The following MMP24 variants were observed in gnomAD, a reference collection of about 807,000 sequenced individuals.
MMP24 encodes the protein matrix metalloproteinase-24.
A neutral mutation model predicts 62.8 loss-of-function variants in MMP24; 25 were observed. The observed-to-expected ratio is 0.40, with a 90% CI of 0.29 to 0.56. MMP24 has a LOEUF of 0.56. Among genes scored for constraint, MMP24 ranks in the 20% least tolerant of loss-of-function variants. The pLI, the probability that MMP24 is intolerant of heterozygous loss-of-function variation, is 0.50. For missense variants in MMP24, 634 were observed against 853.6 expected, an observed-to-expected ratio of 0.74 and a Z score of 3.21; for synonymous variants, 319 against 350.5, an observed-to-expected ratio of 0.91 and a Z score of 1.00.
intron 1 of MMP24, among the ~76,000 whole-genome samples, chr20:35,236,501 G>C (rs2060463926): frequency 6.6e-6 from 1 of 152,192 alleles, no homozygotes; most frequent in Admixed American, 6.5e-5. Context: ...GGGCTCAGCA[G>C]CAAGGCTGGG....
chr20:35,234,024 C>T (rs2060450163), intron 1 of MMP24, among the ~76,000 whole-genome samples: 1 of 152,130 alleles, frequency 6.6e-6, no homozygotes, highest in Non-Finnish European at 1.5e-5. Flanking sequence ...CCGATGAGGC[C>T]CTGCATGACT....
rs1468657601 is a variant in MMP24, at chr20:35,263,924, C to T, written c.951C>T (p.Asp317=). The change falls in exon 5 of 9, where the codon GAC becomes GAT. Residue 317 remains aspartate (D), a synonymous_variant. Transcript: ENST00000246186. ...CGCACAACTTCAAGCTGCCCCAGGA[C>T]GATCTCCAGGGCATCCAGAAGATCT... ...METHNFKLPQ[D]DLQGIQKIYG... The T allele has an allele frequency of 7.4e-6, 12 of 1,611,394 alleles. No homozygotes were observed. The highest frequency in any genetic ancestry group is 4.5e-5 in the East Asian group (2 of 44,740).
intron 1 of MMP24, among the ~76,000 whole-genome samples, chr20:35,235,655 G>A (rs1388423218): frequency 6.6e-6 from 1 of 151,934 alleles, no homozygotes; most frequent in Non-Finnish European, 1.5e-5. Flanking sequence ...CCAAAATCAC[G>A]CCATTGCACT....
At chr20:35,265,134 A>G (rs1368461601) in intron 5 of MMP24, among the ~76,000 whole-genome samples, 2 of 152,232 alleles carry the variant, frequency 1.3e-5, no homozygotes, top group East Asian at 3.8e-4. Context: ...GGATGCCCCC[A>G]GGGTTTCCAG....
intron 6 of MMP24, among the ~76,000 whole-genome samples, chr20:35,268,338 AG>A (rs1345006929): frequency 6.6e-6 from 1 of 152,154 alleles, no homozygotes; most frequent in Non-Finnish European, 1.5e-5. Flanking sequence ...CCTTCTCTGA[AG>A]GGGATCTGGG....
intron 1 of MMP24, among the ~76,000 whole-genome samples, chr20:35,230,253 G>A (rs1484442130): frequency 6.6e-6 from 1 of 152,192 alleles, no homozygotes; most frequent in East Asian, 1.9e-4. Flanking sequence ...GCCTCCCAAA[G>A]TGCTGGGATT....
chr20:35,267,254 C>T lies in MMP24; in HGVS notation c.1029C>T (p.Pro343=), dbSNP rs577557894. ...LEPTRPLPTL[P]VRRIHSPSER... Reference sequence around the variant, plus strand: ...CCACAAGGCCACTCCCTACACTCCCCGTCCGCAGGATCCACTCACCATCGG... The same window carrying T: ...CCACAAGGCCACTCCCTACACTCCCTGTCCGCAGGATCCACTCACCATCGG... The change falls in exon 6 of 9, where the codon CCC becomes CCT. Residue 343 remains proline (P), a synonymous_variant. Transcript: ENST00000246186. 4.8e-5 allele frequency: 77 copies of T among 1,606,210 alleles called. No homozygotes were observed. In the Admixed American group the frequency reaches 8.3e-4, roughly 17 times the overall value.
At chr20:35,247,860 C>A (rs960687783) in intron 2 of MMP24, among the ~76,000 whole-genome samples, 1 of 151,950 alleles carries the variant, frequency 6.6e-6, no homozygotes, top group South Asian at 2.1e-4. Context: ...TGGGGAGAAG[C>A]GGAGGTGAGG....
chr20:35,267,532 G>A, intron 6 of MMP24, 113 bp downstream of exon 6: 1 of 1,136,970 alleles, frequency 8.8e-7, no homozygotes, highest in Non-Finnish European at 1.2e-6. Flanking sequence ...AATGGGGCCT[G>A]GACAGGAGCT....
At chr20:35,227,569 C>T (rs1255941679) in intron 1 of MMP24, among the ~76,000 whole-genome samples, 1 of 151,782 alleles carries the variant, frequency 6.6e-6, no homozygotes, top group African/African-American at 2.4e-5. Flanking sequence ...ATTGGAGCTG[C>T]TCAACCAGCT....
chr20:35,264,651 T>C (rs1348052583), intron 5 of MMP24, among the ~76,000 whole-genome samples: 1 of 127,750 alleles, frequency 7.8e-6, no homozygotes, highest in Non-Finnish European at 1.5e-5. Context: ...GAGGTTGCAG[T>C]GAGCTGAGAT....
intron 4 of MMP24, among the ~76,000 whole-genome samples, chr20:35,256,714 CAAAAAA>C (rs74173944): frequency 4.8e-3 from 192 of 39,710 alleles, no homozygotes; most frequent in African/African-American, 9.7e-3. Context: ...GATTCCGTCT[CAAAAAA>C]AAAAAAAAAA....
chr20:35,258,622 C>G (rs1273544423), intron 4 of MMP24, among the ~76,000 whole-genome samples: 1 of 152,110 alleles, frequency 6.6e-6, no homozygotes, highest in Non-Finnish European at 1.5e-5. Flanking sequence ...TGACTAGATT[C>G]AAGTTCAATT....
chr20:35,251,076 A>G (rs1039363057), intron 2 of MMP24, among the ~76,000 whole-genome samples: 4 of 151,950 alleles, frequency 2.6e-5, no homozygotes, highest in African/African-American at 9.7e-5. Context: ...TAAGTGCTGC[A>G]GAGAATTATG....
intron 1 of MMP24, among the ~76,000 whole-genome samples, chr20:35,233,260 T>G (rs1212918089): frequency 6.6e-6 from 1 of 151,944 alleles, no homozygotes; most frequent in African/African-American, 2.4e-5. Flanking sequence ...TACAAAAAAA[T>G]TAGCTATGCA....
intron 6 of MMP24, among the ~76,000 whole-genome samples, chr20:35,268,829 C>T (rs924213819): frequency 2.6e-5 from 4 of 151,776 alleles, no homozygotes; most frequent in African/African-American, 9.7e-5. Context: ...AGATCAAGAC[C>T]ATCCTGGCTA....
intron 4 of MMP24, among the ~76,000 whole-genome samples, chr20:35,262,527 A>G (rs1398514776): frequency 1.3e-5 from 2 of 151,206 alleles, no homozygotes; most frequent in Admixed American, 6.6e-5. Flanking sequence ...GTTTTTCCCT[A>G]TCTCAGTAGA....
chr20:35,242,830 T>C (rs1219549406), intron 1 of MMP24, among the ~76,000 whole-genome samples: 1 of 152,208 alleles, frequency 6.6e-6, no homozygotes, highest in Non-Finnish European at 1.5e-5. Context: ...CCACAAGAAC[T>C]GGCTCTTGGT....
chr20:35,258,188 G>T (rs1296371777), intron 4 of MMP24, among the ~76,000 whole-genome samples: 1 of 152,068 alleles, frequency 6.6e-6, no homozygotes, highest in Non-Finnish European at 1.5e-5. Context: ...GTATTTTAAA[G>T]AAAATCTCAG....
Sources: allele counts gnomAD v4.1 joint callset (sites outside exome capture counted in the v4.1 genomes callset), GRCh38; gene constraint gnomAD v4.1.1; transcripts MANE v1.5; gene names NCBI Gene and HGNC (gene_info 2026-07-23, HGNC 2026-07-21).